The following TNS3 variants were observed in gnomAD, a reference collection of about 807,000 sequenced individuals.
TNS3 encodes the protein tensin 3, also known as tensin-3.
TNS3 carries 45 observed loss-of-function variants against 140.9 expected under a neutral mutation model. The ratio of observed to expected loss-of-function variants is 0.32; its 90% CI spans 0.25 to 0.41. The LOEUF (loss-of-function observed/expected upper bound fraction) is 0.41, where lower values mean the gene tolerates loss of function less well. Among genes scored for constraint, TNS3 ranks in the 10% least tolerant of loss-of-function variants. The probability of loss-of-function intolerance (pLI) is 1.00; values close to 1 mark genes in which losing one functional copy is unlikely to be tolerated. For synonymous variants in TNS3, 815 were observed against 788.4 expected, an observed-to-expected ratio of 1.03 and a Z score of -0.56; for missense variants, 1,716 against 1,906.7, an observed-to-expected ratio of 0.90 and a Z score of 1.86.
intron 4 of TNS3, among the ~76,000 whole-genome samples, chr7:47,474,017 A>G (rs1055461679): frequency 1.4e-5 from 2 of 146,668 alleles, no homozygotes; most frequent in African/African-American, 5.5e-5. Context: ...ACTTCCTGAC[A>G]GTCACATCTG....
At chr7:47,391,280 C>T (rs1157331313) in intron 16 of TNS3, among the ~76,000 whole-genome samples, 2 of 152,196 alleles carry the variant, frequency 1.3e-5, no homozygotes, top group East Asian at 1.9e-4. Context: ...TTATGGTACA[C>T]GGTGCACCCT....
intron 11 of TNS3, among the ~76,000 whole-genome samples, chr7:47,414,449 C>T (rs1793962424): frequency 1.3e-5 from 2 of 152,186 alleles, no homozygotes; most frequent in African/African-American, 4.8e-5. Context: ...AGGACAGGGC[C>T]CTGACCCTCA....
chr7:47,429,469 G>T (rs111629466), intron 8 of TNS3, among the ~76,000 whole-genome samples: 1 of 152,034 alleles, frequency 6.6e-6, no homozygotes, highest in African/African-American at 2.4e-5. Context: ...CCGGGTTCAC[G>T]CCATTCTCCT....
intron 20 of TNS3, among the ~76,000 whole-genome samples, chr7:47,332,400 G>A (rs1372096755): frequency 6.6e-6 from 1 of 152,218 alleles, no homozygotes; most frequent in African/African-American, 2.4e-5. Flanking sequence ...AGTTCTAAGA[G>A]GCATCCTGCT....
At chr7:47,507,055 A>G (rs569912585) in intron 2 of TNS3, 111 bp from the exon 3 acceptor site, 16 of 897,428 alleles carry the variant, frequency 1.8e-5, no homozygotes, top group African/African-American at 1.7e-5. Flanking sequence ...AAGATCCCAT[A>G]GGTGGCCTCT....
chr7:47,474,573 CCTCACAACACACACAA>C, intron 4 of TNS3, among the ~76,000 whole-genome samples: 1 of 148,528 alleles, frequency 6.7e-6, no homozygotes, highest in South Asian at 2.2e-4. Flanking sequence ...AACACACACA[CCTCACAACACACACAA>C]GACACACCTC....
chr7:47,531,057 A>T (rs1252555249), intron 1 of TNS3, among the ~76,000 whole-genome samples: 5 of 151,828 alleles, frequency 3.3e-5, no homozygotes, highest in Non-Finnish European at 7.4e-5. Flanking sequence ...ATAATAGGAA[A>T]TACTGAAAGA....
In TNS3 at chr7:47,368,737, T is replaced by C; in HGVS notation, c.1909A>G (p.Thr637Ala). The stretch of plus-strand genomic sequence containing the variant: ...CTCTGGACAGCCACCCTACTGCTGG[T>C]CCCTCGGGTGGGGGTGAGTGGCACT... ...PRVPLTPTRG[T>A]SSRVAVQRGV... Residue 637 changes from threonine (T) to alanine (A), a missense_variant, in exon 17 of 31, where the codon ACC becomes GCC. Physicochemically the swap from Thr to Ala is moderately conservative, Grantham distance 58. Coordinates refer to ENST00000311160, the MANE Select transcript of TNS3 (RefSeq NM_022748.12). 6.3e-7 allele frequency: 1 copy of C among 1,579,494 alleles called. No homozygotes were observed. Among genetic ancestry groups the C allele is most frequent in the Non-Finnish European group, 8.6e-7 (1 of 1,162,216 alleles).
chr7:47,494,765 C>T (rs959571666), intron 3 of TNS3, among the ~76,000 whole-genome samples: 40 of 152,070 alleles, frequency 2.6e-4, no homozygotes, highest in Middle Eastern at 3.4e-3. Flanking sequence ...AGAGAGGGCG[C>T]CCCGCGAGCT....
intron 23 of TNS3, among the ~76,000 whole-genome samples, chr7:47,301,170 C>G (rs572325470): frequency 6.6e-6 from 1 of 152,320 alleles, no homozygotes; most frequent in Non-Finnish European, 1.5e-5. Flanking sequence ...CTCCTGCTGA[C>G]TGCGGGCAGC....
intron 8 of TNS3, among the ~76,000 whole-genome samples, chr7:47,431,143 GA>G (rs796150258): frequency 3.8e-4 from 58 of 151,976 alleles, no homozygotes; most frequent in African/African-American, 1.1e-3. Context: ...CTGGGTCAAA[GA>G]AAAAAAGTCA....
intron 4 of TNS3, among the ~76,000 whole-genome samples, chr7:47,471,805 A>G (rs1584731926): frequency 6.6e-6 from 1 of 152,200 alleles, no homozygotes; most frequent in Admixed American, 6.5e-5. Context: ...ATGAGGCTGG[A>G]GAGGTGTGAG....
intron 2 of TNS3, among the ~76,000 whole-genome samples, chr7:47,509,166 G>T (rs911086610): frequency 6.6e-6 from 1 of 152,204 alleles, no homozygotes; most frequent in African/African-American, 2.4e-5. Flanking sequence ...ATACATTCAT[G>T]GTGGGTGGCC....
At chr7:47,331,895 G>A (rs1788363251) in intron 20 of TNS3, among the ~76,000 whole-genome samples, 1 of 152,236 alleles carries the variant, frequency 6.6e-6, no homozygotes, top group Admixed American at 6.5e-5. Flanking sequence ...AGGACAGCCT[G>A]GCCAATGCCT....
At chr7:47,568,246 G>A (rs1800473625) in intron 1 of TNS3, among the ~76,000 whole-genome samples, 1 of 152,210 alleles carries the variant, frequency 6.6e-6, no homozygotes, top group African/African-American at 2.4e-5. Context: ...ACAGCAGCAG[G>A]CACATAGTCC....
At chr7:47,479,984 T>C (rs1797355074) in intron 4 of TNS3, among the ~76,000 whole-genome samples, 1 of 152,196 alleles carries the variant, frequency 6.6e-6, no homozygotes, top group Non-Finnish European at 1.5e-5. Context: ...AAGGCTCAGA[T>C]GGGCAGGGGG....
chr7:47,366,419 G>A (rs1164668200), intron 17 of TNS3, among the ~76,000 whole-genome samples: 3 of 152,200 alleles, frequency 2.0e-5, no homozygotes, highest in Non-Finnish European at 4.4e-5. Flanking sequence ...GTACATGAAA[G>A]GTGGATGTGA....
At chr7:47,505,607 T>C (rs1027975792) in intron 3 of TNS3, among the ~76,000 whole-genome samples, 11 of 152,208 alleles carry the variant, frequency 7.2e-5, no homozygotes, top group African/African-American at 2.7e-4. Flanking sequence ...AGCAAGGCCC[T>C]GTGCCATCCT....
intron 20 of TNS3, among the ~76,000 whole-genome samples, chr7:47,341,162 T>C (rs1310042392): frequency 1.3e-5 from 2 of 152,082 alleles, no homozygotes; most frequent in Non-Finnish European, 2.9e-5. Flanking sequence ...TGTTAAGGAG[T>C]TTTGTATCTG....
Sources: gnomAD v4.1 joint callset for allele counts (sites outside exome capture counted in the v4.1 genomes callset) on GRCh38, gnomAD v4.1.1 for gene constraint, MANE v1.5 for transcripts, NCBI Gene and HGNC (gene_info 2026-07-23, HGNC 2026-07-21) for gene names.